SUGCT: variants seen among roughly 807,000 people sequenced by gnomAD.
SUGCT encodes succinyl-CoA:glutarate-CoA transferase.
In SUGCT, 41 loss-of-function variants were observed where a neutral mutation model predicts 55.0. The observed-to-expected ratio is 0.74, with a 90% confidence interval of 0.58 to 0.97. The LOEUF (loss-of-function observed/expected upper bound fraction) is 0.97. Ranked by LOEUF, SUGCT falls within the 50% of genes least tolerant of loss-of-function variation. The pLI is 0.00. For missense variants in SUGCT, 568 were observed against 547.8 expected (o/e 1.04, Z -0.37); for synonymous variants, 187 against 200.4 (o/e 0.93, Z 0.56).
At chr7:40,357,768 TC>T (rs1288270493) in intron 9 of SUGCT, among the ~76,000 whole-genome samples, 7 of 152,112 alleles carry the variant, frequency 4.6e-5, no homozygotes, top group African/African-American at 1.7e-4. Context: ...AAATCTTTTT[TC>T]TTTTTTTTAA....
chr7:40,445,528 C>T (rs900382324), intron 9 of SUGCT, among the ~76,000 whole-genome samples: 1 of 152,094 alleles, frequency 6.6e-6, no homozygotes, highest in Non-Finnish European at 1.5e-5. Flanking sequence ...CCAAAAAAGT[C>T]TAGGATCAGG....
chr7:40,216,498 CAAAAAAAAAA>C (rs1022915051), intron 6 of SUGCT, among the ~76,000 whole-genome samples: 5 of 50,422 alleles, frequency 9.9e-5, no homozygotes, highest in Non-Finnish European at 1.7e-4. Context: ...GACTCCGTCT[CAAAAAAAAAA>C]AAAAAAAAAA....
intron 13 of SUGCT, among the ~76,000 whole-genome samples, chr7:40,757,126 A>G (rs1007214518): frequency 2.0e-5 from 3 of 152,104 alleles, no homozygotes; most frequent in African/African-American, 4.8e-5. Flanking sequence ...TCCCTATAAC[A>G]ATAAGGTGGG....
intron 9 of SUGCT, among the ~76,000 whole-genome samples, chr7:40,357,970 A>C (rs2151214121): frequency 6.6e-6 from 1 of 152,322 alleles, no homozygotes; most frequent in Middle Eastern, 3.4e-3. Flanking sequence ...GACACCAAAA[A>C]ATAGGTCCTG....
chr7:40,826,271 T>TG (rs1563029740), intron 13 of SUGCT, among the ~76,000 whole-genome samples: 1 of 152,200 alleles, frequency 6.6e-6, no homozygotes, highest in Non-Finnish European at 1.5e-5. Flanking sequence ...TACACTATCT[T>TG]CAAGTTTAGG....
intron 12 of SUGCT, among the ~76,000 whole-genome samples, chr7:40,745,450 T>G (rs896563576): frequency 6.6e-6 from 1 of 152,194 alleles, no homozygotes; most frequent in African/African-American, 2.4e-5. Flanking sequence ...CACGTTACTT[T>G]AAGGTATACA....
At chr7:40,779,855 G>T (rs1414260633) in intron 13 of SUGCT, among the ~76,000 whole-genome samples, 1 of 152,120 alleles carries the variant, frequency 6.6e-6, no homozygotes, top group African/African-American at 2.4e-5. Flanking sequence ...GTGGCTTGGG[G>T]ATAGACGACA....
the SUGCT span, among the ~76,000 whole-genome samples, chr7:40,973,183 C>T: frequency 6.6e-6 from 1 of 152,182 alleles, no homozygotes; most frequent in African/African-American, 2.4e-5. Flanking sequence ...TCTCTTCCTA[C>T]CCATGAGGCC....
At chr7:40,930,371 T>C in the SUGCT span, among the ~76,000 whole-genome samples, 3 of 152,228 alleles carry the variant, frequency 2.0e-5, no homozygotes, top group Admixed American at 6.5e-5. Context: ...TCCAGCTTTG[T>C]TGTTTTTGCT....
the SUGCT span, among the ~76,000 whole-genome samples, chr7:40,920,208 T>C: frequency 6.6e-6 from 1 of 152,186 alleles, no homozygotes; most frequent in Non-Finnish European, 1.5e-5. Context: ...GGTTAGATTG[T>C]CATTTTCTCA....
the SUGCT span, among the ~76,000 whole-genome samples, chr7:40,970,438 C>G: frequency 6.6e-6 from 1 of 152,214 alleles, no homozygotes; most frequent in African/African-American, 2.4e-5. Flanking sequence ...TCCCAAAATG[C>G]TGGGACTACA....
intron 11 of SUGCT, among the ~76,000 whole-genome samples, chr7:40,478,586 G>T (rs558468624): frequency 1.3e-5 from 2 of 152,202 alleles, no homozygotes; most frequent in South Asian, 4.2e-4. Flanking sequence ...GCAGTGTTGT[G>T]ATTTGATATA....
At chr7:40,416,256 G>A (rs1786996060) in intron 9 of SUGCT, among the ~76,000 whole-genome samples, 1 of 151,640 alleles carries the variant, frequency 6.6e-6, no homozygotes, top group African/African-American at 2.4e-5. Context: ...TGCATATAGT[G>A]TATGTAATCA....
intron 12 of SUGCT, among the ~76,000 whole-genome samples, chr7:40,637,866 A>G (rs976535524): frequency 3.9e-5 from 6 of 152,268 alleles, no homozygotes; most frequent in Admixed American, 1.3e-4. Flanking sequence ...TTTCTATACA[A>G]TCAGCCAATG....
chr7:40,268,483 C>A (rs1791762340), intron 7 of SUGCT, among the ~76,000 whole-genome samples: 1 of 152,134 alleles, frequency 6.6e-6, no homozygotes, highest in Middle Eastern at 3.4e-3. Flanking sequence ...AGAATAGTTT[C>A]TTTTTTGTTG....
chr7:40,633,382 C>T (rs1799881081), intron 12 of SUGCT, among the ~76,000 whole-genome samples: 1 of 152,132 alleles, frequency 6.6e-6, no homozygotes, highest in South Asian at 2.1e-4. Context: ...CATGCCAAAA[C>T]ACATTTCTTT....
chr7:41,007,511 T>A, the SUGCT span, among the ~76,000 whole-genome samples: 1 of 152,312 alleles, frequency 6.6e-6, no homozygotes, highest in East Asian at 1.9e-4. Context: ...CCTTAGAATA[T>A]CACCCAGGGA....
At chr7:40,579,046 AACAACAACAATAATG>A (rs1562875593) in intron 12 of SUGCT, among the ~76,000 whole-genome samples, 1 of 152,158 alleles carries the variant, frequency 6.6e-6, no homozygotes, top group African/African-American at 2.4e-5. Flanking sequence ...TACAATAATG[AACAACAACAATAATG>A]ACAACAACAG....
intron 13 of SUGCT, among the ~76,000 whole-genome samples, chr7:40,796,105 T>C (rs1203128763): frequency 6.6e-6 from 1 of 152,118 alleles, no homozygotes; most frequent in Non-Finnish European, 1.5e-5. Context: ...AATTTCCTTT[T>C]CTCTGTTTGT....
Sources: gnomAD v4.1 joint callset for allele counts (sites outside exome capture counted in the v4.1 genomes callset) on GRCh38, gnomAD v4.1.1 for gene constraint, MANE v1.5 for transcripts, NCBI Gene and HGNC (gene_info 2026-07-23, HGNC 2026-07-21) for gene names.